MARCO: variants seen among roughly 807,000 people sequenced by gnomAD.
MARCO encodes the protein macrophage receptor MARCO.
MARCO carries 72 observed loss-of-function variants against 70.0 expected under a neutral mutation model. The observed-to-expected ratio is 1.03, with a 90% CI of 0.85 to 1.25. The LOEUF (loss-of-function observed/expected upper bound fraction) is 1.25. Ranked by LOEUF, MARCO falls within the 50% of genes most tolerant of loss-of-function variation. The probability of loss-of-function intolerance (pLI) is 0.00; values close to 1 mark genes in which losing one functional copy is unlikely to be tolerated. For synonymous variants in MARCO, 273 were observed against 243.1 expected, an observed-to-expected ratio of 1.12 and a Z score of -1.14; for missense variants, 696 against 659.3, an observed-to-expected ratio of 1.06 and a Z score of -0.61.
intron 1 of MARCO, chr2:118,944,866 C>T (rs1679566406): frequency 6.6e-6 from 1 of 152,154 alleles, no homozygotes; most frequent in Admixed American, 6.5e-5. Flanking sequence ...CCTGCCATCA[C>T]CTCCAGCCTC....
In MARCO at chr2:118,991,794, G is replaced by T; in HGVS notation, c.1126G>T (p.Gly376Ter). The T allele has an allele frequency of 6.3e-7, 1 of 1,592,348 alleles. No homozygotes were observed. Among genetic ancestry groups the T allele is most frequent in the Non-Finnish European group, 8.5e-7 (1 of 1,170,800 alleles). Residue 376 changes from glycine to a stop codon, truncating the protein, a stop_gained, in exon 14 of 17, where the codon GGA (glycine) becomes TGA (stop). Transcript: ENST00000327097. LOFTEE classifies it high-confidence loss of function. The stretch of plus-strand genomic sequence containing the variant: ...CCTTCCAGGCCCTGCAGGTGTGAAG[G>T]GAGAACAGGGGAGCCCAGGGCTGGC... ...SGVPGPAGVKGEQGSPGLAGP... is the reference protein window; with the variant it reads ...SGVPGPAGVK
At position 118,957,116 on chromosome 2, in the gene MARCO, C is replaced by T. The variant is rs993800382; in HGVS notation, c.98-12044C>T. Among the ~76,000 whole-genome samples, 3 of 151,846 alleles carry T rather than the reference C, an allele frequency of 2.0e-5. No homozygotes were observed. The East Asian group carries it at 5.8e-4, about 30-fold the overall frequency. The stretch of plus-strand genomic sequence containing the variant: ...AAGAACAAACCAAACGCAAACCCAG[C>T]AGAAGAAAGGAAGTAACCAAGATCA... On this transcript the variant is annotated intron_variant, in intron 1 of 16. Coordinates refer to ENST00000327097, the MANE Select transcript of MARCO (RefSeq NM_006770.4).
chr2:118,982,160 A>G lies in MARCO; in HGVS notation c.906A>G (p.Gln302=). 1 of 1,608,518 alleles carries G rather than the reference A, an allele frequency of 6.2e-7. No individual in the cohort carries two copies. Among genetic ancestry groups the G allele is most frequent in the East Asian group, 2.2e-5 (1 of 44,744 alleles). The change falls in exon 11 of 17, where the codon CAA becomes CAG. Residue 302 remains glutamine, a synonymous_variant. Coordinates refer to ENST00000327097, the MANE Select transcript of MARCO (RefSeq NM_006770.4). The part of the protein sequence containing the change: ...GFPGAKGDQG[Q]PGLQGVPGPP... The stretch of plus-strand genomic sequence containing the variant: ...CAGTCACTACTTTCCTTTCAGGACA[A>G]CCTGGACTGCAGGGTGTTCCGGGCC...
At position 118,992,497 on chromosome 2, in the gene MARCO, CT is replaced by C. The variant is rs759205689; in HGVS notation, c.1252+24del. The C allele has an allele frequency of 3.1e-6, 5 of 1,590,748 alleles. No homozygotes were observed. In the East Asian group the frequency reaches 1.1e-4, roughly 36 times the overall value. On this transcript the variant is annotated intron_variant, in intron 15 of 16. Transcript: ENST00000327097. Reference sequence around the variant, plus strand: ...AAGAGGTAATCACTATTTATATTATCTTTAATGTGTGCTTTAAAGTCAATTC... The same window carrying C: ...AAGAGGTAATCACTATTTATATTATCTTAATGTGTGCTTTAAAGTCAATTC...
intron 16 of MARCO, among the ~76,000 whole-genome samples, chr2:118,993,912 T>C (rs1356392136): frequency 6.6e-6 from 1 of 152,176 alleles, no homozygotes; most frequent in Non-Finnish European, 1.5e-5. Flanking sequence ...GGCTATAGGA[T>C]CTGGCCCAGC....
chr2:118,959,867 G>T (rs564095834), intron 1 of MARCO, among the ~76,000 whole-genome samples: 9 of 152,230 alleles, frequency 5.9e-5, no homozygotes, highest in African/African-American at 2.2e-4. Context: ...ACTCAGGAAT[G>T]GAAAACGAAA....
chr2:118,992,915 C>CG, intron 15 of MARCO: 1 of 541,546 alleles, frequency 1.8e-6, no homozygotes, highest in African/African-American at 1.9e-5. Context: ...GCCCCTGTGG[C>CG]CTTGTGCCTG....
At chr2:118,952,372 C>G (rs1175165185) in intron 1 of MARCO, among the ~76,000 whole-genome samples, 1 of 152,060 alleles carries the variant, frequency 6.6e-6, no homozygotes, top group Non-Finnish European at 1.5e-5. Flanking sequence ...AGAATTAGGC[C>G]CCTTTTAGTG....
chr2:118,977,045 G>T (rs1291183645), intron 6 of MARCO, among the ~76,000 whole-genome samples: 1 of 152,168 alleles, frequency 6.6e-6, no homozygotes, highest in East Asian at 1.9e-4. Flanking sequence ...AATGGAACTA[G>T]CTCTCTTGGT....
chr2:118,985,034 C>T (rs1426454741), intron 12 of MARCO, among the ~76,000 whole-genome samples: 2 of 152,066 alleles, frequency 1.3e-5, no homozygotes, highest in Non-Finnish European at 2.9e-5. Context: ...AAAACATGAG[C>T]GGTCTGTTCA....
intron 4 of MARCO, among the ~76,000 whole-genome samples, chr2:118,971,738 CCTTA>C (rs1680176085): frequency 6.6e-6 from 1 of 152,220 alleles, no homozygotes; most frequent in South Asian, 2.1e-4. Flanking sequence ...TCATCCCCCT[CCTTA>C]CTTAAAGAGG....
chr2:118,989,407 T>C (rs1680580502), intron 12 of MARCO, among the ~76,000 whole-genome samples: 1 of 152,230 alleles, frequency 6.6e-6, no homozygotes, highest in Non-Finnish European at 1.5e-5. Context: ...CTTCTGGTGC[T>C]TCCTGCTTCT....
At chr2:118,951,321 T>C (rs535243711) in intron 1 of MARCO, among the ~76,000 whole-genome samples, 63 of 152,356 alleles carry the variant, frequency 4.1e-4, no homozygotes, top group African/African-American at 1.5e-3. Context: ...TTAGGAAACC[T>C]ACTGAGTTAA....
chr2:118,991,851 C>T lies in MARCO; in HGVS notation c.1183C>T (p.Gln395Ter). Residue 395 changes from glutamine to a stop codon, truncating the protein, a stop_gained, in exon 14 of 17, where the codon CAG becomes TAG. Coordinates refer to ENST00000327097, the MANE Select transcript of MARCO (RefSeq NM_006770.4). LOFTEE classifies it high-confidence loss of function. ...GPKGAPGQAG[Q>*]KGDQGVKGSS... is the part of the protein sequence containing the mutation. ...CAAGGGAGCCCCTGGACAAGCTGGC[C>T]AGAAGGGAGACCAGGGAGTGAAAGG... 1 of 1,599,778 alleles carries T rather than the reference C, an allele frequency of 6.3e-7. No homozygotes were observed. The highest frequency in any genetic ancestry group is 8.5e-7 in the Non-Finnish European group (1 of 1,174,254).
chr2:118,960,900 C>T (rs1679931901), intron 1 of MARCO, among the ~76,000 whole-genome samples: 1 of 152,108 alleles, frequency 6.6e-6, no homozygotes, highest in East Asian at 1.9e-4. Flanking sequence ...TACCCCCACC[C>T]CCTGACTGGC....
chr2:118,983,056 T>C (rs568388790), intron 12 of MARCO, among the ~76,000 whole-genome samples: 25 of 152,368 alleles, frequency 1.6e-4, no homozygotes, highest in Non-Finnish European at 3.4e-4. Context: ...CCTGCCTTTC[T>C]GCCCTGACAT....
At chr2:118,985,625 C>T (rs1367406749) in intron 12 of MARCO, among the ~76,000 whole-genome samples, 1 of 152,180 alleles carries the variant, frequency 6.6e-6, no homozygotes, top group East Asian at 1.9e-4. Flanking sequence ...GTATTTCTAA[C>T]ATTTTCACTT....
rs139460861 is a variant in MARCO at position 118,976,606 on chromosome 2, G to A, written c.614-865G>A. 2.6e-3 allele frequency among the ~76,000 whole-genome samples: 395 copies of A among 152,264 alleles called. 2 individuals carry two copies. Among genetic ancestry groups the A allele is most frequent in the Non-Finnish European group, 4.1e-3 (282 of 68,032 alleles). ...AGCCTTGGATACCTGGGCCATGTGG[G>A]TGGGAATCACCGTTTCTCAATTCCA... On this transcript the variant is annotated intron_variant, in intron 6 of 16. Transcript: ENST00000327097.
rs1233947079 is a variant in MARCO, at chr2:118,974,326, T to C, written c.461-7T>C. On this transcript the variant is annotated splice_region_variant and splice_polypyrimidine_tract_variant and intron_variant, in intron 4 of 16. Coordinates refer to ENST00000327097, the MANE Select transcript of MARCO (RefSeq NM_006770.4). Reference sequence around the variant, plus strand: ...GACTCATTAGTGTCTCTGTTCCTCTTCCTCAGGTCTTCAAGGTCACAAGGG... The same window carrying C: ...GACTCATTAGTGTCTCTGTTCCTCTCCCTCAGGTCTTCAAGGTCACAAGGG... The C allele has an allele frequency of 6.4e-7, 1 of 1,567,494 alleles. No individual in the cohort carries two copies. The highest frequency in any genetic ancestry group is 1.3e-5 in the African/African-American group (1 of 74,158).
Sources: allele counts gnomAD v4.1 joint callset (sites outside exome capture counted in the v4.1 genomes callset), GRCh38; gene constraint gnomAD v4.1.1; transcripts MANE v1.5; gene names NCBI Gene and HGNC (gene_info 2026-07-23, HGNC 2026-07-21).